Variants in SHOC1 observed in about 807,000 individuals in gnomAD.
SHOC1 encodes the protein shortage in chiasmata 1.
SHOC1 carries 136 observed loss-of-function variants against 179.2 expected under a neutral mutation model. The observed-to-expected ratio is 0.76, with a 90% CI of 0.66 to 0.87. SHOC1 has a LOEUF of 0.87. Among genes scored for constraint, SHOC1 ranks in the 40% least tolerant of loss-of-function variants. The pLI is 0.00. For missense variants in SHOC1, 1,538 were observed against 1,700.8 expected (o/e 0.90, Z 1.68); for synonymous variants, 489 against 586.6 (o/e 0.83, Z 2.41).
chr9:111,747,874 C>T (rs1350565814), intron 9 of SHOC1, among the ~76,000 whole-genome samples: 1 of 152,052 alleles, frequency 6.6e-6, no homozygotes, highest in Admixed American at 6.6e-5. Flanking sequence ...CGTGAACCAC[C>T]GCACTAGGCC....
At chr9:111,769,978 T>G (rs1388644646) in intron 5 of SHOC1, among the ~76,000 whole-genome samples, 1 of 38,452 alleles carries the variant, frequency 2.6e-5, no homozygotes, top group African/African-American at 7.6e-5. Flanking sequence ...ATCTTCTGTT[T>G]TTTTTTTGTT....
intron 24 of SHOC1, among the ~76,000 whole-genome samples, chr9:111,698,461 A>G (rs1487619196): frequency 6.6e-6 from 1 of 152,168 alleles, no homozygotes; most frequent in Non-Finnish European, 1.5e-5. Context: ...TCCTTTTCCC[A>G]TTTCTTGTTT....
At chr9:111,717,548 T>C (rs1312072863) in intron 16 of SHOC1, among the ~76,000 whole-genome samples, 1 of 144,792 alleles carries the variant, frequency 6.9e-6, no homozygotes, top group East Asian at 2.0e-4. Context: ...TGCAGTGAGA[T>C]CACACCTCTG....
At chr9:111,711,704 G>T (rs999936593) in intron 18 of SHOC1, among the ~76,000 whole-genome samples, 1 of 152,106 alleles carries the variant, frequency 6.6e-6, no homozygotes, top group Non-Finnish European at 1.5e-5. Context: ...TATAGTAGGG[G>T]TTTTTTGTAT....
At chr9:111,787,099 G>T (rs967796106) in intron 2 of SHOC1, among the ~76,000 whole-genome samples, 1 of 152,164 alleles carries the variant, frequency 6.6e-6, no homozygotes, top group Admixed American at 6.5e-5. Flanking sequence ...GGAAAAAAAA[G>T]ATTACTTTAA....
At chr9:111,699,526 C>G (rs1831863899) in intron 24 of SHOC1, among the ~76,000 whole-genome samples, 1 of 152,066 alleles carries the variant, frequency 6.6e-6, no homozygotes, top group Non-Finnish European at 1.5e-5. Flanking sequence ...TGAACTTGGA[C>G]AAATGTCTAA....
intron 18 of SHOC1, among the ~76,000 whole-genome samples, chr9:111,712,576 C>T (rs1832601532): frequency 1.3e-5 from 2 of 152,096 alleles, no homozygotes; most frequent in African/African-American, 4.8e-5. Context: ...GCAATGGATT[C>T]TACAGCACCA....
chr9:111,737,320 A>ATT (rs1412801278), intron 12 of SHOC1, among the ~76,000 whole-genome samples: 1 of 152,226 alleles, frequency 6.6e-6, no homozygotes, highest in Admixed American at 6.5e-5. Flanking sequence ...ATAGACAGTA[A>ATT]TTTCTAAAAT....
intron 27 of SHOC1, among the ~76,000 whole-genome samples, chr9:111,688,348 T>A (rs1831276367): frequency 6.6e-6 from 1 of 152,138 alleles, no homozygotes; most frequent in Non-Finnish European, 1.5e-5. Flanking sequence ...ATTTAATAAC[T>A]CCAATTTATT....
chr9:111,784,772 G>A (rs1467457449), intron 3 of SHOC1, among the ~76,000 whole-genome samples: 3 of 152,114 alleles, frequency 2.0e-5, no homozygotes, highest in Admixed American at 2.0e-4. Context: ...TGTCTAGTGA[G>A]GGCCCACTTC....
At chr9:111,702,749 AT>A (rs972912664) in intron 22 of SHOC1, among the ~76,000 whole-genome samples, 1 of 152,202 alleles carries the variant, frequency 6.6e-6, no homozygotes, top group Non-Finnish European at 1.5e-5. Flanking sequence ...AACATAAGTA[AT>A]TTTTGATACA....
In SHOC1 at chr9:111,703,959, A is replaced by G; in HGVS notation, c.2889T>C (p.Ser963=). ...AACTTCCAAAGAGTTTCAATGACTC[A>G]CTGCAGCCTCTCTCTACTAGTGAGA... ...YNISLVERGC[S]ESLKLFGSSE... is the part of the protein sequence containing the mutation. The change falls in exon 22 of 28, where the codon AGT becomes AGC. Residue 963 remains serine (S), a synonymous_variant. Coordinates refer to ENST00000682961, the MANE Select transcript of SHOC1 (RefSeq NM_001378211.1). 1 of 1,605,132 alleles carries G rather than the reference A, an allele frequency of 6.2e-7. No homozygotes were observed. Among genetic ancestry groups the G allele is most frequent in the Non-Finnish European group, 8.5e-7 (1 of 1,175,500 alleles).
At position 111,780,179 on chromosome 9, in the gene SHOC1, C is replaced by A. The variant is rs144779136; in HGVS notation, c.257+751G>T. Among the ~76,000 whole-genome samples, 77 of 152,208 alleles carry A rather than the reference C, an allele frequency of 5.1e-4. 1 individual carries two copies. In the East Asian group the frequency reaches 0.013, roughly 26 times the overall value. On this transcript the variant is annotated intron_variant, in intron 4 of 27. Transcript: ENST00000682961. ...GATGGTATATTGGGCTTCACTGTAT[C>A]CAGAGTCTAGACACCTTTCAATGTT...
chr9:111,736,951 T>C (rs1008707884), intron 12 of SHOC1, among the ~76,000 whole-genome samples: 2 of 152,058 alleles, frequency 1.3e-5, no homozygotes, highest in Admixed American at 1.3e-4. Context: ...TTACAATGTA[T>C]GAAAAAAGTG....
At position 111,738,269 on chromosome 9, in the gene SHOC1, G is replaced by T; in HGVS notation, c.1417+11C>A. On this transcript the variant is annotated intron_variant, in intron 12 of 27. Coordinates refer to ENST00000682961, the MANE Select transcript of SHOC1 (RefSeq NM_001378211.1). Reference sequence around the variant, plus strand: ...TGTTTACATAACTAATATTTACTGTGATGTACTTACATTCTAATTGAAGCA... The same window carrying T: ...TGTTTACATAACTAATATTTACTGTTATGTACTTACATTCTAATTGAAGCA... The T allele has an allele frequency of 6.3e-7, 1 of 1,596,742 alleles. No homozygotes were observed. Among genetic ancestry groups the T allele is most frequent in the Non-Finnish European group, 8.6e-7 (1 of 1,167,724 alleles).
At chr9:111,749,506 G>A (rs1011797326) in intron 8 of SHOC1, among the ~76,000 whole-genome samples, 4 of 151,078 alleles carry the variant, frequency 2.6e-5, no homozygotes, top group Admixed American at 2.6e-4. Context: ...TGTTAGTTCA[G>A]AAGTTATACA....
At chr9:111,787,527 G>T (rs1377042966) in intron 2 of SHOC1, among the ~76,000 whole-genome samples, 1 of 152,142 alleles carries the variant, frequency 6.6e-6, no homozygotes, top group Non-Finnish European at 1.5e-5. Context: ...TAAAAATGGA[G>T]CCTGAAGTTG....
chr9:111,689,806 G>C (rs1831348151), intron 27 of SHOC1, among the ~76,000 whole-genome samples: 1 of 152,072 alleles, frequency 6.6e-6, no homozygotes, highest in Admixed American at 6.5e-5. Context: ...ATAGGTAGCT[G>C]TTTGACTATT....
chr9:111,744,338 C>G (rs1834169432), intron 10 of SHOC1, among the ~76,000 whole-genome samples: 1 of 152,158 alleles, frequency 6.6e-6, no homozygotes, highest in African/African-American at 2.4e-5. Flanking sequence ...GTCCTATGCT[C>G]TTTTTAGGGC....
Sources: gnomAD v4.1 joint callset for allele counts (sites outside exome capture counted in the v4.1 genomes callset) on GRCh38, gnomAD v4.1.1 for gene constraint, MANE v1.5 for transcripts, NCBI Gene and HGNC (gene_info 2026-07-23, HGNC 2026-07-21) for gene names.